Variants in ZNF394 observed in about 807,000 individuals in gnomAD.
ZNF394 encodes the protein zinc finger protein 99.
ZNF394 carries 19 observed loss-of-function variants against 21.8 expected under a neutral mutation model. The observed-to-expected ratio is 0.87, with a 90% confidence interval of 0.61 to 1.28. ZNF394 has a LOEUF of 1.28. Ranked by LOEUF, ZNF394 falls within the 50% of genes most tolerant of loss-of-function variation. The pLI is 0.00. For synonymous variants in ZNF394, 294 were observed against 273.3 expected (o/e 1.08, Z -0.75); for missense variants, 683 against 708.6 (o/e 0.96, Z 0.41).
Position 99,499,647 on chromosome 7 carries a change from G to C in ZNF394, c.447C>G (p.Thr149=). 6.3e-7 allele frequency: 1 copy of C among 1,593,700 alleles called. No individual in the cohort carries two copies. The highest frequency in any genetic ancestry group is 1.3e-5 in the African/African-American group (1 of 74,748). Residue 149 remains threonine, a synonymous_variant, in exon 1 of 3, where the codon ACC becomes ACG. Coordinates refer to ENST00000337673, the MANE Select transcript of ZNF394 (RefSeq NM_032164.4). ...VRALQRALDG[T]SSQGMVTFED... ...GCCTTTCGCTTCTCACCTGGGATGA[G>C]GTTCCATCGAGCGCTCGCTGCAGAG...
downstream of ZNF394, among the ~76,000 whole-genome samples, chr7:99,490,604 A>C (rs887900959): frequency 2.7e-5 from 4 of 149,434 alleles, no homozygotes; most frequent in African/African-American, 4.9e-5. Context: ...TGCACTCCAG[A>C]CTGGGCGACA....
chr7:99,494,593 T>C lies in ZNF394; in HGVS notation c.622A>G (p.Met208Val), dbSNP rs1479895184. The part of the protein sequence containing the change: ...SRVENKELIP[M>V]QQILEEAEPQ... The stretch of plus-strand genomic sequence containing the variant: ...TCCGCTTCTTCTAAAATTTGTTGCA[T>C]TGGAATCAACTCTTTGTTCTCCACT... Residue 208 changes from methionine to valine, a missense_variant, in exon 3 of 3, where the codon ATG becomes GTG. Physicochemically the swap from Met to Val is conservative, Grantham distance 21 (BLOSUM62 1). Transcript: ENST00000337673. 2 of 1,602,038 alleles carry C rather than the reference T, an allele frequency of 1.2e-6. No individual in the cohort carries two copies. Among genetic ancestry groups the C allele is most frequent in the African/African-American group, 1.3e-5 (1 of 74,172 alleles).
At position 99,498,663 on chromosome 7, in the gene ZNF394, C is replaced by G. The variant is rs750809711; in HGVS notation, c.583+53G>C. 7.5e-6 allele frequency: 12 copies of G among 1,610,398 alleles called. No individual in the cohort carries two copies. In the African/African-American group the frequency reaches 1.6e-4, roughly 22 times the overall value. Reference sequence around the variant, plus strand: ...TAGTGGCTCAGGGATGGTAGTGAACCAGCCCTTCACAAACCACACACCGCA... The same window carrying G: ...TAGTGGCTCAGGGATGGTAGTGAACGAGCCCTTCACAAACCACACACCGCA... On this transcript the variant is annotated intron_variant, in intron 2 of 2. Coordinates refer to ENST00000337673, the MANE Select transcript of ZNF394 (RefSeq NM_032164.4).
Position 99,494,241 on chromosome 7 carries a change from G to A in ZNF394, c.974C>T (p.Thr325Met), listed in dbSNP as rs3735454. ...NKCKQSFHMV[T>M]WHVLKPHKSD... ...CTTGTGAGGTTTCAGCACGTGCCAC[G>A]TCACCATGTGGAAACTTTGCTTGCA... The change falls in exon 3 of 3, where the codon ACG (threonine) becomes ATG (methionine). Residue 325 changes from threonine (T) to methionine (M), a missense_variant. Coordinates refer to ENST00000337673, the MANE Select transcript of ZNF394 (RefSeq NM_032164.4). 371 of 1,614,240 alleles carry A rather than the reference G, an allele frequency of 2.3e-4. 1 individual carries two copies. In the African/African-American group the frequency reaches 4.1e-3, roughly 18 times the overall value.
Position 99,498,827 on chromosome 7 carries a change from C to T in ZNF394, c.472G>A (p.Glu158Lys). ...CAGGTTAGAGACACAGCCGTGTCCT[C>T]GAAAGTCACCATCCCCTGGAACAAC... ...GTSSQGMVTF[E>K]DTAVSLTWEE... The change falls in exon 2 of 3, where the codon GAG (glutamate) becomes AAG (lysine). Residue 158 changes from glutamate (E) to lysine (K), a missense_variant. Transcript: ENST00000337673. 1 of 1,613,276 alleles carries T rather than the reference C, an allele frequency of 6.2e-7. No individual in the cohort carries two copies. The highest frequency in any genetic ancestry group is 1.1e-5 in the South Asian group (1 of 91,016).
chr7:99,486,747 C>T lies in ZNF394; in HGVS notation n.300G>A, dbSNP rs200833014. On this transcript the variant is annotated non_coding_transcript_exon_variant, in exon 2 of 2. Transcript: ENST00000462024. ...AGCAGGGCAGATATGATGAGGATGGCAAACCCTTCAATCAAAGATCTTTGC... is the reference window on the plus strand; with the variant it reads ...AGCAGGGCAGATATGATGAGGATGGTAAACCCTTCAATCAAAGATCTTTGC... The T allele has an allele frequency of 2.5e-6, 4 of 1,614,206 alleles. No individual in the cohort carries two copies. In the African/African-American group the frequency reaches 5.3e-5, roughly 22 times the overall value.
rs376637716 is a variant in ZNF394 at position 99,493,774 on chromosome 7, G to T, written c.1441C>A (p.Arg481Ser). 2 of 1,614,126 alleles carry T rather than the reference G, an allele frequency of 1.2e-6. No homozygotes were observed. The highest frequency in any genetic ancestry group is 1.7e-6 in the Non-Finnish European group (2 of 1,180,006). Residue 481 changes from arginine to serine, a missense_variant, in exon 3 of 3, where the codon CGC becomes AGC. Arg to Ser is a moderately radical substitution (Grantham distance 110). Around this residue, in one of 3 missense-constraint regions of ZNF394, gnomAD observed 274 missense variants for 314.1 expected, o/e 0.87. Transcript: ENST00000337673. The stretch of plus-strand genomic sequence containing the variant: ...CTGTGGTGTTTAAAGAGGTCAGAGC[G>T]CTGTTTGAAGCTCTTCTCGCATTCT... ...CEECEKSFKQ[R>S]SDLFKHHRIH...
chr7:99,492,392 C>A (rs1049962909), downstream of ZNF394, among the ~76,000 whole-genome samples: 26 of 151,916 alleles, frequency 1.7e-4, no homozygotes, highest in African/African-American at 5.8e-4. Context: ...GTAATCCCAG[C>A]ACTTTGGGAG....
In ZNF394 at chr7:99,494,310, G is replaced by A. The variant is rs536694957; in HGVS notation, c.905C>T (p.Pro302Leu). The A allele has an allele frequency of 4.0e-5, 65 of 1,614,168 alleles. No individual in the cohort carries two copies. The highest frequency in any genetic ancestry group is 1.3e-4 in the East Asian group (6 of 44,890). The change falls in exon 3 of 3, where the codon CCG (proline) becomes CTG (leucine). Residue 302 changes from proline (P) to leucine (L), a missense_variant. This residue lies in a region of ZNF394 where 7 missense variants were observed against 20.6 expected (regional missense o/e 0.34). Coordinates refer to ENST00000337673, the MANE Select transcript of ZNF394 (RefSeq NM_032164.4). ...CSNLVLCQHIPKAERPTDSEE... is the reference protein window; with the variant it reads ...CSNLVLCQHILKAERPTDSEE... ...ACTGTCAGTGGGCCTCTCTGCTTTC[G>A]GGATGTGCTGACATAGAACAAGGTT...
chr7:99,495,544 C>T (rs778587784), intron 2 of ZNF394, among the ~76,000 whole-genome samples: 29 of 151,442 alleles, frequency 1.9e-4, no homozygotes, highest in Admixed American at 4.0e-4. Flanking sequence ...AGGATGGTCT[C>T]GAACTCCTCT....
intron 2 of ZNF394, among the ~76,000 whole-genome samples, chr7:99,495,326 T>G (rs1248063628): frequency 6.8e-6 from 1 of 147,548 alleles, no homozygotes; most frequent in Non-Finnish European, 1.5e-5. Context: ...TTTTATCGTA[T>G]CTTATTTTAT....
intron 2 of ZNF394, 162 bp downstream of exon 2, chr7:99,498,554 G>T: frequency 1.1e-6 from 1 of 901,068 alleles, no homozygotes; most frequent in South Asian, 1.9e-5. Flanking sequence ...GTAAAAAGCT[G>T]AATCTAGCAC....
chr7:99,489,340 G>A (rs924440626), downstream of ZNF394, among the ~76,000 whole-genome samples: 1 of 151,964 alleles, frequency 6.6e-6, no homozygotes, highest in Non-Finnish European at 1.5e-5. Flanking sequence ...AGGTGCCGTG[G>A]GCCCTGCCGA....
chr7:99,494,713 C>T, intron 2 of ZNF394, 82 bp from the exon 3 acceptor site: 1 of 1,474,070 alleles, frequency 6.8e-7, no homozygotes, highest in Non-Finnish European at 8.9e-7. Context: ...ATGTTAAACC[C>T]TCAAACCCCT....
At chr7:99,497,122 G>GTGTATATATATATA (rs1322382800) in intron 2 of ZNF394, among the ~76,000 whole-genome samples, 10 of 79,438 alleles carry the variant, frequency 1.3e-4, no homozygotes, top group South Asian at 4.0e-4. Context: ...GTGTGTGTGT[G>GTGTATATATATATA]TATATATATA....
Position 99,487,527 on chromosome 7 carries a change from T to C in ZNF394, n.84-564A>G, listed in dbSNP as rs143259334. 1,145 of 1,571,134 alleles carry C rather than the reference T, an allele frequency of 7.3e-4. 8 individuals carry two copies. The African/African-American group carries it at 0.014, about 19-fold the overall frequency. On this transcript the variant is annotated intron_variant and non_coding_transcript_variant, in intron 1 of 1. Coordinates refer to the ZNF394 transcript ENST00000462024. Reference sequence around the variant, plus strand: ...GCAGTCATTGGAGAACTAGAACTTATAAACCTCTACTTCAAGTGTGTATCA... The same window carrying C: ...GCAGTCATTGGAGAACTAGAACTTACAAACCTCTACTTCAAGTGTGTATCA...
chr7:99,493,183 C>T (rs920894052), downstream of ZNF394: 11 of 1,045,062 alleles, frequency 1.1e-5, no homozygotes, highest in Non-Finnish European at 1.3e-5. Flanking sequence ...CTGATATACT[C>T]CAAATGGCAA....
intron 2 of ZNF394, among the ~76,000 whole-genome samples, chr7:99,497,116 G>GTATATA (rs1259470943): frequency 2.6e-4 from 29 of 111,432 alleles, no homozygotes; most frequent in African/African-American, 1.2e-3. Flanking sequence ...GTGTGTGTGT[G>GTATATA]TGTGTGTATA....
intron 2 of ZNF394, among the ~76,000 whole-genome samples, chr7:99,497,254 C>T (rs1372176460): frequency 1.3e-5 from 2 of 150,348 alleles, no homozygotes; most frequent in African/African-American, 2.5e-5. Context: ...CTGCAACCTC[C>T]GCCTCCCAGG....
Sources: gnomAD v4.1 joint callset for allele counts (sites outside exome capture counted in the v4.1 genomes callset) on GRCh38, gnomAD v4.1.1 for gene constraint, gnomAD v4.1.1 regional missense constraint, MANE v1.5 for transcripts, NCBI Gene and HGNC (gene_info 2026-07-23, HGNC 2026-07-21) for gene names.